ZNF804B: variants seen among roughly 807,000 people sequenced by gnomAD.
ZNF804B encodes the protein zinc finger protein 804B.
A neutral mutation model predicts 101.4 loss-of-function variants in ZNF804B; 80 were observed. The ratio of observed to expected loss-of-function variants is 0.79; its 90% confidence interval spans 0.66 to 0.95. ZNF804B has a LOEUF of 0.95. ZNF804B is among the 40% of genes least tolerant of loss of function. The pLI is 0.00. For synonymous variants in ZNF804B, 622 were observed against 558.8 expected (o/e 1.11, Z -1.59); for missense variants, 1,673 against 1,561.9 (o/e 1.07, Z -1.20).
At chr7:89,083,648 C>T (rs1183098159) in intron 1 of ZNF804B, among the ~76,000 whole-genome samples, 1 of 151,668 alleles carries the variant, frequency 6.6e-6, no homozygotes, top group Admixed American at 6.6e-5. Flanking sequence ...TTGGAAAGAA[C>T]TGAAACCAAT....
chr7:88,838,203 C>A (rs558437031), intron 1 of ZNF804B, among the ~76,000 whole-genome samples: 1 of 151,714 alleles, frequency 6.6e-6, no homozygotes, highest in Non-Finnish European at 1.5e-5. Flanking sequence ...TGTTAAAATA[C>A]GCTCAATTCT....
intron 1 of ZNF804B, among the ~76,000 whole-genome samples, chr7:89,164,670 A>G (rs1791115132): frequency 6.6e-6 from 1 of 152,140 alleles, no homozygotes; most frequent in Admixed American, 6.6e-5. Context: ...TTTACTCAAT[A>G]CCAAACTTAG....
At chr7:89,031,696 T>C (rs888901519) in intron 1 of ZNF804B, among the ~76,000 whole-genome samples, 5 of 151,670 alleles carry the variant, frequency 3.3e-5, no homozygotes, top group Non-Finnish European at 7.4e-5. Context: ...AGCGAAAGAT[T>C]TGAATAACTA....
intron 1 of ZNF804B, among the ~76,000 whole-genome samples, chr7:89,176,165 C>T (rs1791315289): frequency 1.3e-5 from 2 of 151,982 alleles, no homozygotes; most frequent in South Asian, 4.2e-4. Flanking sequence ...TCAGTTTCTC[C>T]CCATTCATGA....
chr7:88,977,640 T>C (rs1793634450), intron 1 of ZNF804B, among the ~76,000 whole-genome samples: 2 of 151,636 alleles, frequency 1.3e-5, no homozygotes, highest in African/African-American at 4.8e-5. Context: ...CTCCTTTTTA[T>C]TAGTCTTGCT....
chr7:88,928,176 T>A (rs1792834157), intron 1 of ZNF804B, among the ~76,000 whole-genome samples: 1 of 152,178 alleles, frequency 6.6e-6, no homozygotes, highest in South Asian at 2.1e-4. Flanking sequence ...CAGAATCAGT[T>A]GTCTGTCCTA....
chr7:89,228,620 G>A (rs1377959528), intron 2 of ZNF804B, among the ~76,000 whole-genome samples: 2 of 152,208 alleles, frequency 1.3e-5, no homozygotes, highest in Non-Finnish European at 2.9e-5. Flanking sequence ...TAGTTACAGA[G>A]TGCTGATTGG....
intron 1 of ZNF804B, among the ~76,000 whole-genome samples, chr7:89,192,473 T>C (rs931601069): frequency 1.3e-5 from 2 of 151,934 alleles, no homozygotes; most frequent in African/African-American, 4.8e-5. Flanking sequence ...AAAAGCTAAG[T>C]GAAGTCAGAC....
chr7:89,196,045 A>G (rs1788546044), intron 1 of ZNF804B, among the ~76,000 whole-genome samples: 2 of 152,142 alleles, frequency 1.3e-5, no homozygotes, highest in Admixed American at 6.6e-5. Context: ...CAGAATTAGA[A>G]AAAACTATCT....
intron 2 of ZNF804B, among the ~76,000 whole-genome samples, chr7:89,301,770 T>C (rs1285605417): frequency 1.3e-5 from 2 of 151,892 alleles, no homozygotes; most frequent in African/African-American, 4.8e-5. Context: ...CCTCTGTCAC[T>C]TAATAGATGC....
At chr7:89,152,406 T>C (rs1286348126) in intron 1 of ZNF804B, among the ~76,000 whole-genome samples, 1 of 152,022 alleles carries the variant, frequency 6.6e-6, no homozygotes, top group Non-Finnish European at 1.5e-5. Flanking sequence ...GTCAGAAGTT[T>C]AGAAAATTTT....
chr7:89,177,522 G>T (rs1369213783), intron 1 of ZNF804B, among the ~76,000 whole-genome samples: 1 of 152,050 alleles, frequency 6.6e-6, no homozygotes, highest in East Asian at 1.9e-4. Context: ...CTCGTTTTGT[G>T]GCCAAATATG....
chr7:89,186,505 G>A (rs1383385746), intron 1 of ZNF804B, among the ~76,000 whole-genome samples: 2 of 151,884 alleles, frequency 1.3e-5, no homozygotes, highest in Non-Finnish European at 2.9e-5. Context: ...AAGAAATAAA[G>A]CAATTTCTGT....
chr7:89,029,110 T>G (rs971438640), intron 1 of ZNF804B, among the ~76,000 whole-genome samples: 3 of 152,096 alleles, frequency 2.0e-5, no homozygotes, highest in African/African-American at 7.2e-5. Context: ...CTAATATTTG[T>G]TTGTTTGTTT....
chr7:89,121,073 A>G, intron 1 of ZNF804B, among the ~76,000 whole-genome samples: 1 of 152,328 alleles, frequency 6.6e-6, no homozygotes, highest in East Asian at 1.9e-4. Flanking sequence ...AGAGAGGTTA[A>G]CGAACTGCCT....
chr7:88,796,073 G>A (rs1046610391), intron 1 of ZNF804B, among the ~76,000 whole-genome samples: 1 of 152,084 alleles, frequency 6.6e-6, no homozygotes. Flanking sequence ...AATATATGAT[G>A]AGAAAGTTCT....
chr7:89,291,683 A>AAG (rs1230354643), intron 2 of ZNF804B, among the ~76,000 whole-genome samples: 5 of 152,106 alleles, frequency 3.3e-5, no homozygotes, highest in African/African-American at 1.2e-4. Flanking sequence ...TTAAAGAGGA[A>AAG]AGAGAGAGAG....
chr7:89,045,291 C>T (rs910558580), intron 1 of ZNF804B, among the ~76,000 whole-genome samples: 6 of 152,168 alleles, frequency 3.9e-5, no homozygotes, highest in Admixed American at 6.5e-5. Context: ...GCTGCAGGGG[C>T]GGAACCCTCA....
intron 1 of ZNF804B, among the ~76,000 whole-genome samples, chr7:89,182,274 G>T (rs925188917): frequency 6.6e-6 from 1 of 152,102 alleles, no homozygotes; most frequent in Non-Finnish European, 1.5e-5. Context: ...CACTTATTCC[G>T]AAGACTAAGC....
Sources: allele counts gnomAD v4.1 joint callset (sites outside exome capture counted in the v4.1 genomes callset), GRCh38; gene constraint gnomAD v4.1.1; transcripts MANE v1.5; gene names NCBI Gene and HGNC (gene_info 2026-07-23, HGNC 2026-07-21).